MYZAP: variants seen among roughly 807,000 people sequenced by gnomAD.
MYZAP encodes myocardial zonula adherens protein, also known as GRINL1A complex locus upstream.
Under a neutral mutation model 69.4 loss-of-function variants are expected in MYZAP, and 66 were observed. That is an observed-to-expected ratio of 0.95 (90% confidence interval 0.78 to 1.17). The LOEUF is 1.17. Ranked by LOEUF, MYZAP falls within the 50% of genes most tolerant of loss-of-function variation. The pLI is 0.00. For missense variants in MYZAP, 611 were observed against 556.2 expected (o/e 1.10, Z -0.99); for synonymous variants, 256 against 205.9 (o/e 1.24, Z -2.09).
At chr15:57,597,882 T>G (rs1164752863) in intron 1 of MYZAP, among the ~76,000 whole-genome samples, 1 of 152,180 alleles carries the variant, frequency 6.6e-6, no homozygotes, top group African/African-American at 2.4e-5. Flanking sequence ...ATCCTTGTGC[T>G]GAGCAGAGAG....
chr15:57,668,873 G>GAT lies in MYZAP; in HGVS notation c.1204-6074_1204-6073dup, dbSNP rs34433014. Among the ~76,000 whole-genome samples, 140 of 134,204 alleles carry GAT rather than the reference G, an allele frequency of 1.0e-3. 1 individual carries two copies. Among genetic ancestry groups the GAT allele is most frequent in the Middle Eastern group, 3.8e-3 (1 of 260 alleles). 88.0% of individuals were successfully genotyped at this position (134,204 alleles called of 152,430 possible). ...TGTTTTCTTAATGATGTCTGTTGAAGATATATATATATATATATATATTTT... is the reference window on the plus strand; with the variant it reads ...TGTTTTCTTAATGATGTCTGTTGAAGATATATATATATATATATATATATTTT... On this transcript the variant is annotated intron_variant, in intron 11 of 12. Coordinates refer to ENST00000267853, the MANE Select transcript of MYZAP (RefSeq NM_001018100.5).
intron 1 of MYZAP, 21 bp downstream of exon 1, chr15:57,592,130 C>T (rs1208986555): frequency 1.6e-5 from 20 of 1,289,950 alleles, no homozygotes; most frequent in Admixed American, 4.2e-5. Context: ...GGGGCGGGAG[C>T]CGCCGCCGTC....
At chr15:57,637,617 G>A (rs1595895464) in intron 8 of MYZAP, 78 bp from the exon 9 acceptor site, 1 of 1,513,478 alleles carries the variant, frequency 6.6e-7, no homozygotes, top group East Asian at 2.3e-5. Context: ...GGACTCCCTA[G>A]TGCTAGAATT....
chr15:57,609,580 A>T (rs900408303), intron 2 of MYZAP, among the ~76,000 whole-genome samples: 11 of 152,122 alleles, frequency 7.2e-5, no homozygotes, highest in Non-Finnish European at 1.3e-4. Context: ...TAGGTACTGG[A>T]GGTTAGGACT....
intron 10 of MYZAP, among the ~76,000 whole-genome samples, chr15:57,649,624 G>A (rs533500229): frequency 5.1e-4 from 78 of 151,910 alleles, no homozygotes; most frequent in Non-Finnish European, 9.6e-4. Context: ...AAACTATTTG[G>A]GTGCCATTAT....
At chr15:57,621,215 T>TTTTTTTTTG (rs2035791109) in intron 3 of MYZAP, among the ~76,000 whole-genome samples, 1 of 144,618 alleles carries the variant, frequency 6.9e-6, no homozygotes, top group Non-Finnish European at 1.5e-5. Flanking sequence ...CTTTTTTTTT[T>TTTTTTTTTG]TTTTTTGTTT....
intron 10 of MYZAP, among the ~76,000 whole-genome samples, chr15:57,644,303 C>G (rs2037328902): frequency 6.6e-6 from 1 of 152,112 alleles, no homozygotes; most frequent in Non-Finnish European, 1.5e-5. Flanking sequence ...GAAAGCAAGC[C>G]AGGGAGACAG....
At chr15:57,642,512 G>A (rs186981822) in intron 10 of MYZAP, among the ~76,000 whole-genome samples, 91 of 152,252 alleles carry the variant, frequency 6.0e-4, no homozygotes, top group Admixed American at 1.6e-3. Flanking sequence ...CGGATGTTAA[G>A]GACCCTTTTT....
chr15:57,627,382 AG>A (rs1208620272), intron 5 of MYZAP, among the ~76,000 whole-genome samples: 1 of 5,192 alleles, frequency 1.9e-4, no homozygotes, highest in South Asian at 5.1e-3. Flanking sequence ...AGGGAGAGGG[AG>A]GGGGAGGGGG....
At chr15:57,661,891 A>G (rs2038327642) in intron 11 of MYZAP, among the ~76,000 whole-genome samples, 1 of 152,208 alleles carries the variant, frequency 6.6e-6, no homozygotes, top group African/African-American at 2.4e-5. Flanking sequence ...TCTCTCTGCA[A>G]CTTTAAGAAA....
At chr15:57,658,081 G>C (rs982079439) in intron 10 of MYZAP, among the ~76,000 whole-genome samples, 1 of 152,002 alleles carries the variant, frequency 6.6e-6, no homozygotes. Context: ...TACATTTTTT[G>C]ACACCATGTG....
intron 11 of MYZAP, among the ~76,000 whole-genome samples, chr15:57,672,959 C>T (rs895973955): frequency 6.6e-6 from 1 of 152,096 alleles, no homozygotes; most frequent in Non-Finnish European, 1.5e-5. Context: ...TCTGTATTCC[C>T]CCAAGACCGA....
At chr15:57,669,316 C>G (rs1428176119) in intron 11 of MYZAP, among the ~76,000 whole-genome samples, 3 of 152,146 alleles carry the variant, frequency 2.0e-5, no homozygotes. Flanking sequence ...GTGATTTCCC[C>G]TAAGAATTTT....
rs1257263243 is a variant in MYZAP at position 57,591,933 on chromosome 15, C to T, written c.-102C>T. 1.1e-5 allele frequency: 12 copies of T among 1,123,336 alleles called. No homozygotes were observed. The South Asian group carries it at 1.1e-4, about 10-fold the overall frequency. 69.6% of individuals were successfully genotyped at this position (1,123,336 alleles called of 1,614,324 possible). On this transcript the variant is annotated 5_prime_UTR_variant, in exon 1 of 13. Transcript: ENST00000267853. ...GCGGTGCAGCTGAGGCTGCAAGTAG[C>T]CGGCGCCGTCCCGCGTCGCCCCCGC... is the stretch of plus-strand genomic sequence containing the variant.
chr15:57,621,311 C>T (rs1001879134), intron 3 of MYZAP, among the ~76,000 whole-genome samples: 9 of 150,364 alleles, frequency 6.0e-5, no homozygotes, highest in Middle Eastern at 3.5e-3. Context: ...GCCGGATTCA[C>T]GTAATTCTTC....
At chr15:57,631,803 A>G (rs1410347145) in intron 6 of MYZAP, among the ~76,000 whole-genome samples, 3 of 152,246 alleles carry the variant, frequency 2.0e-5, no homozygotes, top group Admixed American at 1.3e-4. Flanking sequence ...GCTCTCTGCA[A>G]TAGGCGATAA....
intron 10 of MYZAP, chr15:57,647,497 A>T (rs1458695968): frequency 2.0e-6 from 2 of 985,336 alleles, no homozygotes; most frequent in Non-Finnish European, 2.4e-6. Context: ...GCCAAGTTTT[A>T]AAAAAGGAAA....
At chr15:57,612,300 C>T (rs2035155127) in intron 2 of MYZAP, among the ~76,000 whole-genome samples, 1 of 152,124 alleles carries the variant, frequency 6.6e-6, no homozygotes, top group Non-Finnish European at 1.5e-5. Context: ...GATGTGTGAC[C>T]AGCTGCCCCT....
intron 4 of MYZAP, 50 bp from the exon 5 acceptor site, chr15:57,625,729 G>A (rs772396770): frequency 1.6e-5 from 25 of 1,555,258 alleles, no homozygotes; most frequent in Admixed American, 1.3e-4. Flanking sequence ...GAAGATTGTC[G>A]TGAACGTGTA....
Sources: gnomAD v4.1 joint callset for allele counts (sites outside exome capture counted in the v4.1 genomes callset) on GRCh38, gnomAD v4.1.1 for gene constraint, MANE v1.5 for transcripts, NCBI Gene and HGNC (gene_info 2026-07-23, HGNC 2026-07-21) for gene names.